MALRD1: variants seen among roughly 807,000 people sequenced by gnomAD.
MALRD1 encodes MAM and LDL-receptor class A domain-containing protein 1.
MALRD1 carries 247 observed loss-of-function variants against 242.1 expected under a neutral mutation model. The observed-to-expected ratio is 1.02, with a 90% CI of 0.92 to 1.13. MALRD1 has a LOEUF of 1.13. MALRD1 is among the 50% of genes most tolerant of loss of function. The pLI is 0.00. For synonymous variants in MALRD1, 995 were observed against 866.6 expected (o/e 1.15, Z -2.60); for missense variants, 2,989 against 2,533.1 (o/e 1.18, Z -3.86).
chr10:19,401,256 C>T (rs919096885), intron 28 of MALRD1, among the ~76,000 whole-genome samples: 1 of 152,148 alleles, frequency 6.6e-6, no homozygotes, highest in Non-Finnish European at 1.5e-5. Flanking sequence ...TGTTATTTAA[C>T]ATAGCACTGC....
At chr10:19,215,397 C>T (rs1220222409) in intron 18 of MALRD1, among the ~76,000 whole-genome samples, 2 of 152,170 alleles carry the variant, frequency 1.3e-5, no homozygotes, top group African/African-American at 4.8e-5. Context: ...TCAATTAGGG[C>T]ACAAACAAGG....
chr10:19,379,725 C>G (rs886337104), intron 26 of MALRD1, among the ~76,000 whole-genome samples: 1 of 152,088 alleles, frequency 6.6e-6, no homozygotes, highest in Non-Finnish European at 1.5e-5. Flanking sequence ...GACTATTTCA[C>G]ACGTCCTTGA....
intron 2 of MALRD1, among the ~76,000 whole-genome samples, chr10:19,070,436 C>T (rs1835108687): frequency 1.3e-5 from 2 of 152,110 alleles, no homozygotes; most frequent in South Asian, 2.1e-4. Context: ...AGATATATCA[C>T]TTTTTCACCA....
chr10:19,175,996 A>G (rs1367121933), intron 14 of MALRD1, among the ~76,000 whole-genome samples: 7 of 152,194 alleles, frequency 4.6e-5, no homozygotes, highest in Non-Finnish European at 1.0e-4. Flanking sequence ...AAGAATGTAC[A>G]CTATACCTTC....
chr10:19,352,118 A>G lies in MALRD1; in HGVS notation c.4262A>G (p.Asn1421Ser). 1.3e-6 allele frequency: 2 copies of G among 1,550,564 alleles called. No homozygotes were observed. The highest frequency in any genetic ancestry group is 2.7e-5 in the African/African-American group (2 of 73,146). ...CTTAACCTCACTGTAGAACAAGGCA[A>G]TTTCTGGCGGAGAGAAGAACTGTCA... ...VLLNLTVEQGNFWRREELSLF... is the reference protein window; with the variant it reads ...VLLNLTVEQGSFWRREELSLF... Residue 1421 changes from asparagine to serine, a missense_variant, in exon 26 of 40, where the codon AAT becomes AGT. Transcript: ENST00000454679.
At chr10:19,122,075 G>A (rs928628599) in intron 5 of MALRD1, among the ~76,000 whole-genome samples, 5 of 152,188 alleles carry the variant, frequency 3.3e-5, no homozygotes, top group African/African-American at 9.6e-5. Flanking sequence ...GTGAAGGGAT[G>A]TATTTTCTAG....
chr10:19,330,378 A>G (rs1333013399), intron 23 of MALRD1, among the ~76,000 whole-genome samples: 1 of 152,094 alleles, frequency 6.6e-6, no homozygotes, highest in African/African-American at 2.4e-5. Flanking sequence ...TTCTTTTAAG[A>G]AAAATAATTG....
chr10:19,399,268 T>A (rs535040217), intron 28 of MALRD1, among the ~76,000 whole-genome samples: 7 of 152,306 alleles, frequency 4.6e-5, no homozygotes, highest in Non-Finnish European at 8.8e-5. Context: ...CTGAAAATAT[T>A]TGAATTTTGA....
chr10:19,132,884 C>T (rs940054510), intron 8 of MALRD1, among the ~76,000 whole-genome samples: 1 of 151,980 alleles, frequency 6.6e-6, no homozygotes, highest in Non-Finnish European at 1.5e-5. Context: ...ATCATAAAGA[C>T]CAATGCCATA....
At chr10:19,073,164 C>T (rs999205359) in intron 2 of MALRD1, among the ~76,000 whole-genome samples, 2 of 152,102 alleles carry the variant, frequency 1.3e-5, no homozygotes, top group East Asian at 3.9e-4. Flanking sequence ...ATCTGCCCAC[C>T]TTGGCCTCCC....
At chr10:19,299,540 C>G (rs1286007393) in intron 21 of MALRD1, among the ~76,000 whole-genome samples, 1 of 151,824 alleles carries the variant, frequency 6.6e-6, no homozygotes, top group Non-Finnish European at 1.5e-5. Flanking sequence ...TTCTTAGAGA[C>G]CTACAAATAG....
chr10:19,508,977 T>C (rs749788795), intron 31 of MALRD1, among the ~76,000 whole-genome samples: 18 of 152,180 alleles, frequency 1.2e-4, no homozygotes, highest in Non-Finnish European at 2.6e-4. Flanking sequence ...GTGGCAAAGA[T>C]GGTCTATTTG....
At chr10:19,356,595 G>A (rs978247364) in intron 26 of MALRD1, among the ~76,000 whole-genome samples, 21 of 151,984 alleles carry the variant, frequency 1.4e-4, no homozygotes, top group African/African-American at 5.1e-4. Flanking sequence ...TAAATCCAGT[G>A]TGTATTGTAT....
rs189251518 is a variant in MALRD1, at chr10:19,614,996, C to T, written c.6071-861C>T. On this transcript the variant is annotated intron_variant, in intron 35 of 39. Transcript: ENST00000454679. ...CTAAATAAGTAGATGATACCCAATC[C>T]AGGGGAGAAGTTCTAGTGTTCTAAA... is the stretch of plus-strand genomic sequence containing the variant. Among the ~76,000 whole-genome samples, 15 of 152,076 alleles carry T rather than the reference C, an allele frequency of 9.9e-5. No individual in the cohort carries two copies. In the East Asian group the frequency reaches 2.3e-3, roughly 24 times the overall value.
intron 8 of MALRD1, among the ~76,000 whole-genome samples, chr10:19,132,216 T>C (rs1030528725): frequency 6.6e-6 from 1 of 152,210 alleles, no homozygotes; most frequent in East Asian, 1.9e-4. Flanking sequence ...AAGTGGTGAA[T>C]GCAATTTGCC....
intron 24 of MALRD1, among the ~76,000 whole-genome samples, chr10:19,337,602 A>G (rs993609326): frequency 1.3e-5 from 2 of 152,226 alleles, no homozygotes; most frequent in Non-Finnish European, 1.5e-5. Flanking sequence ...AGAATTGTTT[A>G]TCTTTTGTTG....
intron 33 of MALRD1, among the ~76,000 whole-genome samples, chr10:19,587,201 C>A (rs1837475507): frequency 6.6e-6 from 1 of 152,232 alleles, no homozygotes; most frequent in Admixed American, 6.5e-5. Context: ...GTCACTCACG[C>A]TAGGAGCTGT....
In MALRD1 at chr10:19,623,698, T is replaced by G. The variant is rs1839510131; in HGVS notation, c.6137+7775T>G. Among the ~76,000 whole-genome samples the G allele has an allele frequency of 2.6e-5, 4 of 152,226 alleles. No individual in the cohort carries two copies. The South Asian group carries it at 8.3e-4, about 32-fold the overall frequency. On this transcript the variant is annotated intron_variant, in intron 36 of 39. Transcript: ENST00000454679. ...ACAGCAGCAAGATGGTTGTCCCATC[T>G]CAAGAAGGAACCACTTCCCTCTCCC...
intron 31 of MALRD1, among the ~76,000 whole-genome samples, chr10:19,504,003 C>G (rs1838088547): frequency 1.3e-5 from 2 of 152,168 alleles, no homozygotes; most frequent in Admixed American, 1.3e-4. Flanking sequence ...ACTCACCACT[C>G]AAGGTCAGAA....
Sources: gnomAD v4.1 joint callset for allele counts (sites outside exome capture counted in the v4.1 genomes callset) on GRCh38, gnomAD v4.1.1 for gene constraint, MANE v1.5 for transcripts, NCBI Gene and HGNC (gene_info 2026-07-23, HGNC 2026-07-21) for gene names.